Variants in PRKAR1A observed in about 807,000 individuals in gnomAD.
PRKAR1A encodes protein kinase cAMP-dependent type I regulatory subunit alpha, also known as cAMP-dependent protein kinase type I-alpha regulatory subunit.
In PRKAR1A, 3 loss-of-function variants were observed where a neutral mutation model predicts 52.0. The observed-to-expected ratio is 0.06, with a 90% CI of 0.03 to 0.15. The LOEUF is 0.15. Among genes scored for constraint, PRKAR1A ranks in the 10% least tolerant of loss-of-function variants. The pLI, the probability that PRKAR1A is intolerant of heterozygous loss-of-function variation, is 1.00. For missense variants in PRKAR1A, 240 were observed against 477.4 expected (o/e 0.50, Z 4.63); for synonymous variants, 188 against 168.4 (o/e 1.12, Z -0.90).
At chr17:68,510,893 T>G (rs1490510550), upstream of PRKAR1A, among the ~76,000 whole-genome samples, 2 of 152,106 alleles carry the variant, frequency 1.3e-5, no homozygotes, top group Non-Finnish European at 2.9e-5. Flanking sequence ...CCTGGTGGAT[T>G]TGGGGGAGCA....
At chr17:68,420,264 ACGATAC>A in the PRKAR1A span, 1 of 1,614,148 alleles carries the variant, frequency 6.2e-7, no homozygotes, top group Non-Finnish European at 8.5e-7. Flanking sequence ...AACCTGGAAG[ACGATAC>A]CGCAGAAGCT....
chr17:68,424,152 T>G, the PRKAR1A span, among the ~76,000 whole-genome samples: 1 of 152,220 alleles, frequency 6.6e-6, no homozygotes, highest in Non-Finnish European at 1.5e-5. Context: ...TTAGGCAGCA[T>G]GCCAACAGAG....
chr17:68,455,926 T>A, the PRKAR1A span, among the ~76,000 whole-genome samples: 1 of 152,232 alleles, frequency 6.6e-6, no homozygotes, highest in Non-Finnish European at 1.5e-5. Flanking sequence ...TCAACAGCCA[T>A]GCCCTCTTGC....
At chr17:68,419,017 CAA>C in the PRKAR1A span, among the ~76,000 whole-genome samples, 116 of 112,898 alleles carry the variant, frequency 1.0e-3, 1 homozygote, top group Middle Eastern at 4.6e-3. Context: ...ATAGCAAAGC[CAA>C]AAAAAAAAAA....
chr17:68,449,412 C>T, the PRKAR1A span, among the ~76,000 whole-genome samples: 1 of 152,146 alleles, frequency 6.6e-6, no homozygotes, highest in African/African-American at 2.4e-5. Flanking sequence ...GATCCTTGAG[C>T]CCAGGAGTTT....
chr17:68,451,545 A>G, the PRKAR1A span, among the ~76,000 whole-genome samples: 1 of 152,234 alleles, frequency 6.6e-6, no homozygotes, highest in African/African-American at 2.4e-5. Context: ...CTAGGGCTCC[A>G]CTGTTTGCTC....
chr17:68,546,316 A>C (rs2086564079), intron 11 of PRKAR1A, among the ~76,000 whole-genome samples: 1 of 152,006 alleles, frequency 6.6e-6, no homozygotes, highest in Admixed American at 6.5e-5. Flanking sequence ...TTCTCCACTG[A>C]AGTCTTGAAC....
intron 7 of PRKAR1A, 125 bp downstream of exon 7, chr17:68,526,037 GCGAATATTTTTCTTTTA>G: frequency 1.6e-6 from 2 of 1,236,478 alleles, no homozygotes; most frequent in Non-Finnish European, 1.1e-6. Context: ...CTTTTAATAA[GCGAATATTTTTCTTTTA>G]ATGAGCAAAT....
chr17:68,475,874 A>C, the PRKAR1A span, among the ~76,000 whole-genome samples: 1,129 of 152,256 alleles, frequency 7.4e-3, 14 homozygotes, highest in African/African-American at 0.026. Flanking sequence ...TATATGTAGA[A>C]TATTTTAAAA....
chr17:68,429,073 G>T, the PRKAR1A span: 1 of 650,188 alleles, frequency 1.5e-6, no homozygotes. Context: ...GATCTGGTCT[G>T]GGCTTCTGGC....
At chr17:68,466,041 A>T in the PRKAR1A span, among the ~76,000 whole-genome samples, 2 of 152,164 alleles carry the variant, frequency 1.3e-5, no homozygotes, top group African/African-American at 4.8e-5. Flanking sequence ...ATTGGTTGTC[A>T]GTGTAACTTG....
In PRKAR1A at chr17:68,530,545, A is replaced by T; in HGVS notation, c.*96A>T. ...TCCCTACTTGCAGCGCCAAGTGGCC[A>T]CTGGCATCGCAGCTTCCTGTCTGTT... On this transcript the variant is annotated 3_prime_UTR_variant, in exon 11 of 11. Coordinates refer to ENST00000589228, the MANE Select transcript of PRKAR1A (RefSeq NM_002734.5). 1 of 1,607,732 alleles carries T rather than the reference A, an allele frequency of 6.2e-7. No homozygotes were observed. Among genetic ancestry groups the T allele is most frequent in the Non-Finnish European group, 8.5e-7 (1 of 1,177,426 alleles).
At chr17:68,491,486 C>T in the PRKAR1A span, among the ~76,000 whole-genome samples, 1 of 152,306 alleles carries the variant, frequency 6.6e-6, no homozygotes, top group African/African-American at 2.4e-5. Context: ...AGGGGCTGGA[C>T]TTCCCTCCCT....
At chr17:68,528,775 G>C (rs2085871919) in intron 8 of PRKAR1A, 95 bp from the exon 9 acceptor site, 1 of 1,485,862 alleles carries the variant, frequency 6.7e-7, no homozygotes, top group South Asian at 1.1e-5. Flanking sequence ...TGTTGAATGG[G>C]CATGGCTATT....
the PRKAR1A span, among the ~76,000 whole-genome samples, chr17:68,418,391 G>A: frequency 4.6e-5 from 7 of 152,320 alleles, no homozygotes; most frequent in African/African-American, 1.7e-4. Flanking sequence ...TCATGTCACT[G>A]CCCTGTACTG....
chr17:68,488,739 A>C, the PRKAR1A span, among the ~76,000 whole-genome samples: 76 of 150,524 alleles, frequency 5.0e-4, no homozygotes, highest in Non-Finnish European at 8.9e-4. Context: ...CAAAACAAAA[A>C]AAAAAAAAAA....
the PRKAR1A span, among the ~76,000 whole-genome samples, chr17:68,479,257 C>T: frequency 6.6e-6 from 1 of 152,112 alleles, no homozygotes; most frequent in African/African-American, 2.4e-5. Context: ...TGTTTTATTC[C>T]TTCATCTTCG....
At chr17:68,515,650 T>C in intron 2 of PRKAR1A, 74 bp downstream of exon 2, 1 of 1,498,152 alleles carries the variant, frequency 6.7e-7, no homozygotes, top group South Asian at 1.2e-5. Flanking sequence ...TGTTACTAAT[T>C]TGTATTTTTT....
At chr17:68,510,439 TA>T (rs1384966382), upstream of PRKAR1A, among the ~76,000 whole-genome samples, 1 of 152,214 alleles carries the variant, frequency 6.6e-6, no homozygotes, top group Non-Finnish European at 1.5e-5. Context: ...CCTTAGTAGT[TA>T]ACTTCAACAA....
Sources: allele counts gnomAD v4.1 joint callset (sites outside exome capture counted in the v4.1 genomes callset), GRCh38; gene constraint gnomAD v4.1.1; transcripts MANE v1.5; gene names NCBI Gene and HGNC (gene_info 2026-07-23, HGNC 2026-07-21).